CCNY: variants seen among roughly 807,000 people sequenced by gnomAD.
CCNY encodes the protein cyclin-Y.
Under a neutral mutation model 42.8 loss-of-function variants are expected in CCNY, and 19 were observed. The observed-to-expected ratio is 0.44, with a 90% CI of 0.31 to 0.65. The LOEUF (loss-of-function observed/expected upper bound fraction) is 0.65. Ranked by LOEUF, CCNY falls within the 30% of genes least tolerant of loss-of-function variation. The probability of loss-of-function intolerance (pLI) is 0.07; values close to 1 mark genes in which losing one functional copy is unlikely to be tolerated. For missense variants in CCNY, 370 were observed against 437.3 expected, an observed-to-expected ratio of 0.85 and a Z score of 1.37; for synonymous variants, 165 against 162.7, an observed-to-expected ratio of 1.01 and a Z score of -0.11.
chr10:35,426,258 CACAA>C (rs1373909010), intron 1 of CCNY, among the ~76,000 whole-genome samples: 1 of 152,014 alleles, frequency 6.6e-6, no homozygotes, highest in Non-Finnish European at 1.5e-5. Context: ...CACACAAACA[CACAA>C]ACACACACAC....
At chr10:35,539,197 G>T (rs1840946644) in intron 7 of CCNY, among the ~76,000 whole-genome samples, 1 of 152,296 alleles carries the variant, frequency 6.6e-6, no homozygotes, top group East Asian at 1.9e-4. Flanking sequence ...TGAGTCTCCA[G>T]CTTTTTCTCT....
chr10:35,540,641 G>A (rs1840980787), intron 7 of CCNY, among the ~76,000 whole-genome samples: 1 of 151,876 alleles, frequency 6.6e-6, no homozygotes, highest in Admixed American at 6.6e-5. Context: ...CTGAAGCCAT[G>A]TTGGTCAGGG....
chr10:35,459,507 A>C (rs1839110322), intron 1 of CCNY, among the ~76,000 whole-genome samples: 1 of 152,202 alleles, frequency 6.6e-6, no homozygotes, highest in Non-Finnish European at 1.5e-5. Context: ...AAAAGATTGG[A>C]CATCCCTTGT....
At position 35,336,610 on chromosome 10, in the gene CCNY, C is replaced by T. The variant is rs549246646; in HGVS notation, c.-444C>T. On this transcript the variant is annotated 5_prime_UTR_variant, in exon 1 of 10. Coordinates refer to ENST00000374704, the MANE Select transcript of CCNY (RefSeq NM_145012.6). The stretch of plus-strand genomic sequence containing the variant: ...GGCTAGTCCCGCCGTCCGGCGCGGA[C>T]ACGCGTGCCCCCGGCTTGAACCGGA... 6.7e-6 allele frequency among the ~76,000 whole-genome samples: 1 copy of T among 148,386 alleles called. No homozygotes were observed. Among genetic ancestry groups the T allele is most frequent in the Non-Finnish European group, 1.5e-5 (1 of 66,540 alleles).
chr10:35,249,908 G>A (rs1218576906), intron 2 of CCNY, among the ~76,000 whole-genome samples: 3 of 151,930 alleles, frequency 2.0e-5, no homozygotes, highest in Non-Finnish European at 4.4e-5. Flanking sequence ...AAATTAGCCG[G>A]GTGTGGCCGG....
chr10:35,543,924 G>T (rs994096195), intron 7 of CCNY, among the ~76,000 whole-genome samples: 4 of 152,108 alleles, frequency 2.6e-5, no homozygotes, highest in African/African-American at 9.7e-5. Flanking sequence ...AAAAAGTTTA[G>T]AAATTAAAAA....
At chr10:35,285,939 A>G (rs1835350260) in intron 3 of CCNY, among the ~76,000 whole-genome samples, 1 of 152,068 alleles carries the variant, frequency 6.6e-6, no homozygotes, top group South Asian at 2.1e-4. Flanking sequence ...CAGCCTCCCA[A>G]GTAACTGAGA....
intron 1 of CCNY, among the ~76,000 whole-genome samples, chr10:35,365,683 T>C (rs1186300959): frequency 1.3e-5 from 2 of 152,196 alleles, no homozygotes; most frequent in African/African-American, 4.8e-5. Flanking sequence ...GTTAGAAATA[T>C]AAATAAAATC....
intron 3 of CCNY, among the ~76,000 whole-genome samples, chr10:35,328,461 C>T (rs1045696633): frequency 3.3e-5 from 5 of 152,142 alleles, no homozygotes; most frequent in Admixed American, 1.3e-4. Context: ...TTCATTAAAA[C>T]GTAGCATCAT....
At chr10:35,447,164 C>G (rs577596741) in intron 1 of CCNY, among the ~76,000 whole-genome samples, 5 of 152,208 alleles carry the variant, frequency 3.3e-5, no homozygotes, top group Non-Finnish European at 5.9e-5. Context: ...GTAGTCTCAG[C>G]TACTCAGGAG....
At chr10:35,453,143 C>T (rs1265221190) in intron 1 of CCNY, among the ~76,000 whole-genome samples, 1 of 152,070 alleles carries the variant, frequency 6.6e-6, no homozygotes, top group Non-Finnish European at 1.5e-5. Flanking sequence ...TGCTTTGTTG[C>T]CTAGGCTGAT....
intron 3 of CCNY, among the ~76,000 whole-genome samples, chr10:35,315,801 G>A (rs1381909568): frequency 1.3e-5 from 2 of 152,120 alleles, no homozygotes; most frequent in African/African-American, 4.8e-5. Context: ...TGACTGGTGT[G>A]AGATGGTATC....
intron 1 of CCNY, among the ~76,000 whole-genome samples, chr10:35,359,735 A>C (rs1274369185): frequency 1.3e-5 from 2 of 152,144 alleles, no homozygotes; most frequent in African/African-American, 4.8e-5. Context: ...ACTTCTTCCC[A>C]AACTGAGACT....
chr10:35,485,453 C>T lies in CCNY; in HGVS notation c.229+1975C>T, dbSNP rs142366590. Among the ~76,000 whole-genome samples the T allele has an allele frequency of 1.7e-3, 257 of 152,304 alleles. 1 individual carries two copies. The highest frequency in any genetic ancestry group is 5.8e-3 in the African/African-American group (240 of 41,580). On this transcript the variant is annotated intron_variant, in intron 2 of 9. Transcript: ENST00000374704. The stretch of plus-strand genomic sequence containing the variant: ...AAAATAGGTAGATTTGGGCTGGGCG[C>T]GGTGGCTCACGCCTGTAATCCCAGC...
At chr10:35,527,682 AAAGT>A (rs1166312848) in intron 5 of CCNY, among the ~76,000 whole-genome samples, 2 of 152,232 alleles carry the variant, frequency 1.3e-5, no homozygotes, top group African/African-American at 2.4e-5. Flanking sequence ...AATTGCACCA[AAAGT>A]AAGTGAGTGG....
At chr10:35,454,676 C>G (rs1838991706) in intron 1 of CCNY, among the ~76,000 whole-genome samples, 1 of 152,190 alleles carries the variant, frequency 6.6e-6, no homozygotes, top group Admixed American at 6.5e-5. Context: ...GCATGAGGTG[C>G]CCGGGGAGGT....
chr10:35,384,969 G>A (rs1309894630), intron 1 of CCNY, among the ~76,000 whole-genome samples: 4 of 152,080 alleles, frequency 2.6e-5, no homozygotes, highest in Non-Finnish European at 4.4e-5. Flanking sequence ...GTTCCTTTTG[G>A]GCACCATTTC....
intron 3 of CCNY, among the ~76,000 whole-genome samples, chr10:35,329,614 G>C (rs566566108): frequency 6.6e-6 from 1 of 152,110 alleles, no homozygotes; most frequent in African/African-American, 2.4e-5. Flanking sequence ...CCAGTATGAA[G>C]GACAAAGGAA....
chr10:35,256,951 T>A (rs2095715995), intron 3 of CCNY, among the ~76,000 whole-genome samples: 1 of 152,244 alleles, frequency 6.6e-6, no homozygotes, highest in South Asian at 2.1e-4. Flanking sequence ...GACTAATTTT[T>A]AAAAATGTAT....
Sources: gnomAD v4.1 joint callset for allele counts (sites outside exome capture counted in the v4.1 genomes callset) on GRCh38, gnomAD v4.1.1 for gene constraint, MANE v1.5 for transcripts, NCBI Gene and HGNC (gene_info 2026-07-23, HGNC 2026-07-21) for gene names.